Variants in DLG1 observed in about 807,000 individuals in gnomAD.
DLG1 encodes the protein disks large homolog 1.
Under a neutral mutation model 123.4 loss-of-function variants are expected in DLG1, and 42 were observed. The ratio of observed to expected loss-of-function variants is 0.34; its 90% CI spans 0.27 to 0.44. The LOEUF is 0.44. Among genes scored for constraint, DLG1 ranks in the 20% least tolerant of loss-of-function variants. DLG1 has a pLI of 1.00. For missense variants in DLG1, 942 were observed against 1,082.6 expected (o/e 0.87, Z 1.82); for synonymous variants, 317 against 356.2 (o/e 0.89, Z 1.24).
intron 3 of DLG1, among the ~76,000 whole-genome samples, chr3:197,291,191 G>C (rs1329299638): frequency 6.6e-6 from 1 of 150,660 alleles, no homozygotes; most frequent in African/African-American, 2.4e-5. Flanking sequence ...CAATCTAATT[G>C]AATCAAAACC....
intron 4 of DLG1, among the ~76,000 whole-genome samples, chr3:197,261,296 G>A (rs998644485): frequency 2.0e-5 from 3 of 152,194 alleles, no homozygotes; most frequent in Non-Finnish European, 4.4e-5. Context: ...AGTGAAGTTA[G>A]CTACATGTGG....
At chr3:197,085,777 G>T in intron 15 of DLG1, 21 bp from the exon 16 acceptor site, 2 of 1,599,334 alleles carry the variant, frequency 1.3e-6, no homozygotes, top group Non-Finnish European at 1.7e-6. Context: ...AAGAAAAAAA[G>T]TCCATAATCA....
chr3:197,286,612 G>A (rs1187787104), intron 3 of DLG1, among the ~76,000 whole-genome samples: 1 of 152,046 alleles, frequency 6.6e-6, no homozygotes, highest in Admixed American at 6.5e-5. Flanking sequence ...ACGTGTCAAA[G>A]CAAAAAATGT....
chr3:197,177,482 AAC>A (rs1577566439), intron 5 of DLG1, among the ~76,000 whole-genome samples: 1 of 152,204 alleles, frequency 6.6e-6, no homozygotes, highest in African/African-American at 2.4e-5. Context: ...ATTTTATCAA[AAC>A]ACAATTATCA....
intron 4 of DLG1, among the ~76,000 whole-genome samples, chr3:197,202,097 C>T (rs1726060754): frequency 6.6e-6 from 1 of 152,146 alleles, no homozygotes; most frequent in Non-Finnish European, 1.5e-5. Context: ...CACCACAATA[C>T]AGTTTATTAA....
intron 4 of DLG1, among the ~76,000 whole-genome samples, chr3:197,277,587 T>C (rs1767107329): frequency 6.6e-6 from 1 of 152,100 alleles, no homozygotes; most frequent in African/African-American, 2.4e-5. Flanking sequence ...GTGATTCACC[T>C]GCCTGGGCCT....
intron 5 of DLG1, among the ~76,000 whole-genome samples, chr3:197,150,506 TATA>T (rs576422947): frequency 2.0e-5 from 3 of 152,002 alleles, no homozygotes; most frequent in Non-Finnish European, 4.4e-5. Flanking sequence ...AAATGAAAAA[TATA>T]ATAAAAATCT....
chr3:197,180,907 A>G (rs1809929871), intron 5 of DLG1, among the ~76,000 whole-genome samples: 1 of 152,216 alleles, frequency 6.6e-6, no homozygotes, highest in African/African-American at 2.4e-5. Context: ...ATAAAAATTA[A>G]TTAATTCTAT....
chr3:197,183,674 T>A (rs1220683973), intron 5 of DLG1: 1 of 1,550,628 alleles, frequency 6.4e-7, no homozygotes, highest in East Asian at 2.4e-5. Context: ...CTGGCTCAGC[T>A]TGCAGTTCAT....
chr3:197,121,882 G>T (rs1776617213), intron 11 of DLG1, among the ~76,000 whole-genome samples: 1 of 139,870 alleles, frequency 7.1e-6, no homozygotes, highest in Admixed American at 7.2e-5. Context: ...ACAAGAGAAA[G>T]AAAATCTGAA....
chr3:197,298,615 A>G, upstream of DLG1: 2 of 396,250 alleles, frequency 5.0e-6, no homozygotes, highest in Non-Finnish European at 8.9e-6. Flanking sequence ...CCGGGGGTAG[A>G]TCCCCACCGG....
At chr3:197,235,172 A>G (rs1490833149) in intron 4 of DLG1, among the ~76,000 whole-genome samples, 3 of 152,164 alleles carry the variant, frequency 2.0e-5, no homozygotes, top group African/African-American at 7.2e-5. Flanking sequence ...TCCTGCCTGG[A>G]GGCCATTTTT....
chr3:197,088,408 C>G (rs1002787720), intron 15 of DLG1, among the ~76,000 whole-genome samples: 3 of 152,172 alleles, frequency 2.0e-5, no homozygotes, highest in African/African-American at 7.2e-5. Context: ...TTCCCTCCCC[C>G]ACATTCCAAA....
rs370578644 is a variant in DLG1 at position 197,119,451 on chromosome 3, G to T, written c.1245C>A (p.Ser415=). 6.2e-7 allele frequency: 1 copy of T among 1,610,410 alleles called. No individual in the cohort carries two copies. The highest frequency in any genetic ancestry group is 1.3e-5 in the African/African-American group (1 of 74,806). ...CTCCAAGTACTGCTTTAGAAACTGG[G>T]GAGTATCTGGCTGGAGATGCTGGTG... The part of the protein sequence containing the change: ...GQTPASPARY[S]PVSKAVLGDD... Residue 415 remains serine, a synonymous_variant, in exon 12 of 25, where the codon TCC becomes TCA. Coordinates refer to ENST00000667157, the MANE Select transcript of DLG1 (RefSeq NM_001366207.1).
chr3:197,124,134 T>C (rs1449506525), intron 11 of DLG1, among the ~76,000 whole-genome samples: 2 of 152,138 alleles, frequency 1.3e-5, no homozygotes, highest in Non-Finnish European at 2.9e-5. Flanking sequence ...GGAAGGCTGA[T>C]GTGGGAGGAT....
Position 197,114,360 on chromosome 3 carries a change from CA to C in DLG1, c.1443+1566del, listed in dbSNP as rs144378138. 3.3e-3 allele frequency among the ~76,000 whole-genome samples: 500 copies of C among 151,820 alleles called. 1 individual carries two copies. Among genetic ancestry groups the C allele is most frequent in the African/African-American group, 0.011 (466 of 41,538 alleles). ...ATCTTACAAGCAGCCAGCAAACCCCCACAAGTCACCTACGAACAAGACAGAG... is the reference window on the plus strand; with the variant it reads ...ATCTTACAAGCAGCCAGCAAACCCCCCAAGTCACCTACGAACAAGACAGAG... On this transcript the variant is annotated intron_variant, in intron 13 of 24. Coordinates refer to ENST00000667157, the MANE Select transcript of DLG1 (RefSeq NM_001366207.1).
intron 5 of DLG1, among the ~76,000 whole-genome samples, chr3:197,164,025 C>T (rs1285029888): frequency 1.3e-5 from 2 of 152,138 alleles, no homozygotes; most frequent in Non-Finnish European, 2.9e-5. Flanking sequence ...TCCTCTCACA[C>T]TGCTGTTGGA....
Position 197,090,905 on chromosome 3 carries a change from A to T in DLG1, c.1661+7T>A. On this transcript the variant is annotated splice_region_variant and intron_variant, in intron 15 of 24. Transcript: ENST00000667157. ...GATTTGCCATAATTAGAAGTAAAAA[A>T]ATTTACCTGACATAGAGGGATCGCT... 1 of 1,550,156 alleles carries T rather than the reference A, an allele frequency of 6.5e-7. No individual in the cohort carries two copies. The highest frequency in any genetic ancestry group is 8.8e-7 in the Non-Finnish European group (1 of 1,138,468).
chr3:197,250,133 T>C (rs1050752298), intron 4 of DLG1, among the ~76,000 whole-genome samples: 1 of 152,194 alleles, frequency 6.6e-6, no homozygotes. Flanking sequence ...ACAGATGGCA[T>C]GATCTCATAC....
Sources: gnomAD v4.1 joint callset for allele counts (sites outside exome capture counted in the v4.1 genomes callset) on GRCh38, gnomAD v4.1.1 for gene constraint, MANE v1.5 for transcripts, NCBI Gene and HGNC (gene_info 2026-07-23, HGNC 2026-07-21) for gene names.